BEGAIN: variants seen among roughly 807,000 people sequenced by gnomAD.
BEGAIN encodes brain enriched guanylate kinase associated.
BEGAIN carries 19 observed loss-of-function variants against 35.8 expected under a neutral mutation model. The observed-to-expected ratio is 0.53, with a 90% CI of 0.37 to 0.78. BEGAIN has a LOEUF of 0.78. Among genes scored for constraint, BEGAIN ranks in the 30% least tolerant of loss-of-function variants. BEGAIN has a pLI of 0.00. For missense variants in BEGAIN, 795 were observed against 853.6 expected, an observed-to-expected ratio of 0.93 and a Z score of 0.85; for synonymous variants, 462 against 388.6, an observed-to-expected ratio of 1.19 and a Z score of -2.22.
At position 100,546,664 on chromosome 14, in the gene BEGAIN, T is replaced by C; in HGVS notation, c.72-2A>G. 6.5e-7 allele frequency: 1 copy of C among 1,548,870 alleles called. No homozygotes were observed. The highest frequency in any genetic ancestry group is 8.7e-7 in the Non-Finnish European group (1 of 1,152,494). ...TCGCCCTTCTGCTCCTGCAGCGCGC[T>C]GCAACGACATGGCGGCGGCGGGCCG... On this transcript the variant is annotated splice_acceptor_variant, in intron 2 of 6. Coordinates refer to ENST00000554140, the MANE Select transcript of BEGAIN (RefSeq NM_001385089.1). LOFTEE classifies it high-confidence loss of function.
intron 1 of BEGAIN, among the ~76,000 whole-genome samples, chr14:100,584,903 C>T (rs2035400395): frequency 1.3e-5 from 2 of 152,082 alleles, no homozygotes; most frequent in Admixed American, 1.3e-4. Context: ...CCTAGGGTCA[C>T]CCACCCATCT....
At chr14:100,543,535 G>A (rs962707034) in intron 5 of BEGAIN, among the ~76,000 whole-genome samples, 17 of 152,188 alleles carry the variant, frequency 1.1e-4, no homozygotes, top group African/African-American at 3.9e-4. Flanking sequence ...ACCCCACCTT[G>A]GGATCAGGAA....
rs1595110468 is a variant in BEGAIN at position 100,543,729 on chromosome 14, T to G, written c.408+129A>C. On this transcript the variant is annotated intron_variant, in intron 5 of 6. Transcript: ENST00000554140. ...CCACCTGTACCCTGCACCAGCCCCT[T>G]GAGGCTGGGGCCAAAGCAGCTGAGC... is the stretch of plus-strand genomic sequence containing the variant. 6 of 717,320 alleles carry G rather than the reference T, an allele frequency of 8.4e-6. No individual in the cohort carries two copies. In the East Asian group the frequency reaches 1.6e-4, roughly 20 times the overall value. 44.4% of individuals were successfully genotyped at this position (717,320 alleles called of 1,614,324 possible).
chr14:100,577,502 G>T, intron 1 of BEGAIN: 1 of 399,354 alleles, frequency 2.5e-6, no homozygotes, highest in Admixed American at 4.4e-5. Flanking sequence ...AGGGCCTCCT[G>T]GGCTAGACCT....
chr14:100,549,536 C>T (rs1456214383), intron 2 of BEGAIN: 1 of 152,342 alleles, frequency 6.6e-6, no homozygotes, highest in Non-Finnish European at 1.5e-5. Flanking sequence ...AGGCTGTGTA[C>T]CTAGGGTCTG....
intron 1 of BEGAIN, among the ~76,000 whole-genome samples, chr14:100,580,751 C>T (rs2035298940): frequency 6.6e-6 from 1 of 152,170 alleles, no homozygotes; most frequent in Non-Finnish European, 1.5e-5. Context: ...TCCACTGTAT[C>T]CCAGCTCTTT....
intron 1 of BEGAIN, among the ~76,000 whole-genome samples, chr14:100,579,145 G>A (rs2035266117): frequency 6.6e-6 from 1 of 152,232 alleles, no homozygotes; most frequent in African/African-American, 2.4e-5. Context: ...ATAGGCGTGA[G>A]CCACTGTGCC....
chr14:100,578,272 G>A (rs1664819943), intron 1 of BEGAIN, among the ~76,000 whole-genome samples: 1 of 152,252 alleles, frequency 6.6e-6, no homozygotes, highest in African/African-American at 2.4e-5. Flanking sequence ...GCCCTAGGCT[G>A]GGCCTCCCCC....
intron 2 of BEGAIN, among the ~76,000 whole-genome samples, chr14:100,559,790 C>T (rs781089999): frequency 6.6e-6 from 1 of 152,206 alleles, no homozygotes; most frequent in Non-Finnish European, 1.5e-5. Flanking sequence ...TCCCACTCCA[C>T]GTTCACCTCT....
At chr14:100,580,476 G>A (rs1027732537) in intron 1 of BEGAIN, among the ~76,000 whole-genome samples, 6 of 152,104 alleles carry the variant, frequency 3.9e-5, no homozygotes, top group African/African-American at 1.4e-4. Flanking sequence ...CTCAGGTCCT[G>A]AATGTGCTAA....
intron 2 of BEGAIN, 25 bp from the exon 3 acceptor site, chr14:100,546,687 C>T (rs927237240): frequency 2.0e-6 from 3 of 1,537,836 alleles, no homozygotes; most frequent in African/African-American, 1.4e-5. Context: ...CGGCGGCGGG[C>T]CGGGCCGCGG....
chr14:100,542,499 G>A (rs557776104), intron 5 of BEGAIN, among the ~76,000 whole-genome samples: 2 of 152,326 alleles, frequency 1.3e-5, no homozygotes, highest in South Asian at 2.1e-4. Flanking sequence ...CTGCTGCCCT[G>A]GTGACATCTC....
chr14:100,572,638 T>C (rs1247977458), intron 1 of BEGAIN, among the ~76,000 whole-genome samples: 4 of 151,806 alleles, frequency 2.6e-5, no homozygotes, highest in African/African-American at 7.3e-5. Flanking sequence ...CCCTGGGGGG[T>C]TGGGCCTTCT....
At chr14:100,580,042 C>T (rs768331493) in intron 1 of BEGAIN, among the ~76,000 whole-genome samples, 5 of 152,224 alleles carry the variant, frequency 3.3e-5, no homozygotes, top group East Asian at 1.9e-4. Flanking sequence ...CGGTGGCTCA[C>T]GCCTGGAATC....
chr14:100,570,831 C>A (rs911841272), intron 1 of BEGAIN, among the ~76,000 whole-genome samples: 1 of 152,202 alleles, frequency 6.6e-6, no homozygotes, highest in African/African-American at 2.4e-5. Flanking sequence ...TTCGTGAGAC[C>A]CTTACTACGG....
intron 1 of BEGAIN, among the ~76,000 whole-genome samples, chr14:100,585,035 C>G (rs1371601196): frequency 6.6e-6 from 1 of 152,136 alleles, no homozygotes; most frequent in Non-Finnish European, 1.5e-5. Flanking sequence ...ACACTCTCCC[C>G]ATCACCTTCA....
intron 1 of BEGAIN, among the ~76,000 whole-genome samples, chr14:100,570,859 A>G (rs555106178): frequency 6.6e-6 from 1 of 152,342 alleles, no homozygotes; most frequent in South Asian, 2.1e-4. Context: ...AACGGAGGCC[A>G]GCGCATGAAG....
Position 100,539,226 on chromosome 14 carries a change from G to T in BEGAIN, c.582C>A (p.Ala194=), listed in dbSNP as rs369397759. 3.1e-6 allele frequency: 5 copies of T among 1,587,422 alleles called. No homozygotes were observed. Among genetic ancestry groups the T allele is most frequent in the Admixed American group, 1.7e-5 (1 of 57,420 alleles). The change falls in exon 7 of 7, where the codon GCC becomes GCA. Residue 194 remains alanine (A), a synonymous_variant. Transcript: ENST00000554140. Reference sequence around the variant, plus strand: ...CAATGACGCAGGTGGGGACGCTGTCGGCGTAGGCCGGGTGGCAGAGCGGGG... The same window carrying T: ...CAATGACGCAGGTGGGGACGCTGTCTGCGTAGGCCGGGTGGCAGAGCGGGG... ...LPSPLCHPAY[A]DSVPTCVIAK...
chr14:100,568,410 C>A lies in BEGAIN; in HGVS notation c.43-471G>T. ...CCGAGTCGGAGAATGTTGGGGAATT[C>A]GGGGCCGTGCAGGATTGCAGAACCT... On this transcript the variant is annotated intron_variant, in intron 1 of 6. Coordinates refer to ENST00000554140, the MANE Select transcript of BEGAIN (RefSeq NM_001385089.1). This position sits in a 1 kb window ranked among gnomAD's most constrained non-coding sequence, Gnocchi z 7.5. 1 of 1,269,468 alleles carries A rather than the reference C, an allele frequency of 7.9e-7. No individual in the cohort carries two copies. The highest frequency in any genetic ancestry group is 1.0e-6 in the Non-Finnish European group (1 of 975,986). 78.6% of individuals were successfully genotyped at this position (1,269,468 alleles called of 1,614,324 possible).
Sources: allele counts gnomAD v4.1 joint callset (sites outside exome capture counted in the v4.1 genomes callset), GRCh38; gene constraint gnomAD v4.1.1; non-coding constraint Gnocchi (gnomAD v3.1); transcripts MANE v1.5; gene names NCBI Gene and HGNC (gene_info 2026-07-23, HGNC 2026-07-21).